Variants in CHRM3 observed in about 807,000 individuals in gnomAD.
The protein encoded by CHRM3 is muscarinic acetylcholine receptor M3.
A neutral mutation model predicts 41.8 loss-of-function variants in CHRM3; 11 were observed. The observed-to-expected ratio is 0.26, with a 90% confidence interval of 0.17 to 0.44. The LOEUF is 0.44. Ranked by LOEUF, CHRM3 falls within the 20% of genes least tolerant of loss-of-function variation. The probability of loss-of-function intolerance (pLI) is 1.00; values close to 1 mark genes in which losing one functional copy is unlikely to be tolerated. For missense variants in CHRM3, 571 were observed against 745.4 expected (o/e 0.77, Z 2.72); for synonymous variants, 297 against 301.4 (o/e 0.99, Z 0.15).
In CHRM3 at chr1:239,565,480, G is replaced by C. The variant is rs116468758; in HGVS notation, c.-313+19731G>C. Among the ~76,000 whole-genome samples the C allele has an allele frequency of 2.4e-3, 365 of 152,214 alleles. 1 individual carries two copies. The highest frequency in any genetic ancestry group is 8.3e-3 in the African/African-American group (344 of 41,540). On this transcript the variant is annotated intron_variant, in intron 3 of 6. Transcript: ENST00000676153. ...CTCTTTACCCCAGATGCTGCATCTG[G>C]TCTCAATTATTGAAGTCATACTATG... is the stretch of plus-strand genomic sequence containing the variant.
intron 4 of CHRM3, among the ~76,000 whole-genome samples, chr1:239,668,824 C>T (rs1025573949): frequency 6.6e-6 from 1 of 152,148 alleles, no homozygotes; most frequent in African/African-American, 2.4e-5. Context: ...CAGTCTTGCT[C>T]ATTAGAAAGA....
chr1:239,641,248 TG>T (rs1236379907), intron 4 of CHRM3, among the ~76,000 whole-genome samples: 2 of 152,092 alleles, frequency 1.3e-5, no homozygotes, highest in Non-Finnish European at 2.9e-5. Context: ...TCTGTTGATT[TG>T]GGGTGGAGAG....
chr1:239,687,662 A>C (rs1659275725), intron 5 of CHRM3, among the ~76,000 whole-genome samples: 1 of 152,160 alleles, frequency 6.6e-6, no homozygotes. Flanking sequence ...CACGTGCTGC[A>C]TAATGATGCT....
intron 6 of CHRM3, chr1:239,898,160 T>C (rs1302740051): frequency 6.6e-6 from 1 of 152,192 alleles, no homozygotes; most frequent in African/African-American, 2.4e-5. Context: ...ACAAGTTGGA[T>C]TCCCTTTAAA....
intron 6 of CHRM3, among the ~76,000 whole-genome samples, chr1:239,853,205 T>A (rs1674842895): frequency 6.6e-6 from 1 of 151,884 alleles, no homozygotes; most frequent in South Asian, 2.1e-4. Context: ...ATATATATTT[T>A]ATTTCAGTAT....
intron 3 of CHRM3, among the ~76,000 whole-genome samples, chr1:239,550,241 G>A (rs992241335): frequency 3.3e-5 from 5 of 152,064 alleles, no homozygotes; most frequent in Admixed American, 6.5e-5. Flanking sequence ...TTACAGGCAC[G>A]GTCATCTGTG....
intron 1 of CHRM3, among the ~76,000 whole-genome samples, chr1:239,398,339 G>A (rs1458964964): frequency 1.1e-4 from 16 of 152,090 alleles, no homozygotes; most frequent in African/African-American, 2.4e-4. Flanking sequence ...GGGTTCAAGC[G>A]ATTCTCCTGC....
At chr1:239,690,791 G>A (rs1046210257) in intron 5 of CHRM3, among the ~76,000 whole-genome samples, 5 of 151,908 alleles carry the variant, frequency 3.3e-5, no homozygotes, top group African/African-American at 1.2e-4. Flanking sequence ...CAGGATGTTT[G>A]TGTGATATGT....
At position 239,908,462 on chromosome 1, in the gene CHRM3, G is replaced by A; in HGVS notation, c.1011G>A (p.Trp337Ter). The A allele has an allele frequency of 6.2e-7, 1 of 1,612,872 alleles. No homozygotes were observed. Among genetic ancestry groups the A allele is most frequent in the Non-Finnish European group, 8.5e-7 (1 of 1,179,456 alleles). The change falls in exon 7 of 7, where the codon TGG becomes TGA. Residue 337 changes from tryptophan (W) to a stop codon, truncating the protein, a stop_gained. Transcript: ENST00000676153. LOFTEE classifies it high-confidence loss of function. This position sits in a 1 kb window ranked among gnomAD's most constrained non-coding sequence, Gnocchi z 7.2. ...AAGACCACAGCAGCAGTGACAGTTGGAACAACAATGATGCTGCTGCCTCCC... is the reference window on the plus strand; with the variant it reads ...AAGACCACAGCAGCAGTGACAGTTGAAACAACAATGATGCTGCTGCCTCCC... ...MDQDHSSSDS[W>*]NNNDAAASLE...
chr1:239,407,295 T>C (rs1462153528), intron 1 of CHRM3, among the ~76,000 whole-genome samples: 11 of 152,072 alleles, frequency 7.2e-5, no homozygotes, highest in Admixed American at 7.2e-4. Context: ...GAATCTGCTG[T>C]CCTTTTCTTC....
intron 6 of CHRM3, among the ~76,000 whole-genome samples, chr1:239,877,802 C>T (rs12083100): frequency 3.3e-5 from 5 of 151,456 alleles, no homozygotes; most frequent in African/African-American, 7.3e-5. Flanking sequence ...GTTTTGTGGA[C>T]GACAATTTTT....
intron 2 of CHRM3, among the ~76,000 whole-genome samples, chr1:239,544,785 G>A (rs2148407987): frequency 6.6e-6 from 1 of 152,234 alleles, no homozygotes; most frequent in African/African-American, 2.4e-5. Flanking sequence ...AGAACTATAT[G>A]GGAGACAGAG....
At chr1:239,724,035 A>T (rs1057036907) in intron 5 of CHRM3, among the ~76,000 whole-genome samples, 2 of 151,798 alleles carry the variant, frequency 1.3e-5, no homozygotes, top group Admixed American at 1.3e-4. Flanking sequence ...GTATTCTCAA[A>T]TATGCTTAAA....
intron 1 of CHRM3, among the ~76,000 whole-genome samples, chr1:239,399,871 A>G (rs1224547382): frequency 1.3e-5 from 2 of 151,924 alleles, no homozygotes; most frequent in Admixed American, 1.3e-4. Flanking sequence ...CAGTAGCGGG[A>G]TTGCTGGGTC....
intron 5 of CHRM3, among the ~76,000 whole-genome samples, chr1:239,702,709 C>G (rs950986662): frequency 1.3e-5 from 2 of 152,208 alleles, no homozygotes; most frequent in Non-Finnish European, 2.9e-5. Context: ...CTCCTGGGTT[C>G]AAGTGAGTCT....
chr1:239,772,732 A>G (rs544663292), intron 5 of CHRM3, among the ~76,000 whole-genome samples: 27 of 151,970 alleles, frequency 1.8e-4, no homozygotes, highest in Non-Finnish European at 3.7e-4. Flanking sequence ...CCCTCTCTAT[A>G]CAATTACCCC....
chr1:239,864,079 G>GAAAA (rs560580967), intron 6 of CHRM3, among the ~76,000 whole-genome samples: 2 of 125,742 alleles, frequency 1.6e-5, no homozygotes, highest in Non-Finnish European at 3.5e-5. Context: ...CTTGATTTAA[G>GAAAA]AAAAAAAAAA....
In CHRM3 at chr1:239,583,361, T is replaced by C. The variant is rs371768232; in HGVS notation, c.-313+37612T>C. ...AAATATTTGTTATGAGCTTATTAAA[T>C]ACTAGACACAAGAAATAATGCATTC... On this transcript the variant is annotated intron_variant, in intron 3 of 6. Transcript: ENST00000676153. Among the ~76,000 whole-genome samples the C allele has an allele frequency of 2.6e-5, 4 of 152,316 alleles. No homozygotes were observed. The South Asian group carries it at 8.3e-4, about 32-fold the overall frequency.
At chr1:239,573,894 C>T (rs1662079216) in intron 3 of CHRM3, among the ~76,000 whole-genome samples, 1 of 145,902 alleles carries the variant, frequency 6.9e-6, no homozygotes, top group Non-Finnish European at 1.6e-5. Flanking sequence ...CACACTAGGT[C>T]CCCCATCATA....
Sources: allele counts gnomAD v4.1 joint callset (sites outside exome capture counted in the v4.1 genomes callset), GRCh38; gene constraint gnomAD v4.1.1; non-coding constraint Gnocchi (gnomAD v3.1); transcripts MANE v1.5; gene names NCBI Gene and HGNC (gene_info 2026-07-23, HGNC 2026-07-21).